FAM161A: variants seen among roughly 807,000 people sequenced by gnomAD.
FAM161A encodes FAM161 centrosomal protein A.
Under a neutral mutation model 70.9 loss-of-function variants are expected in FAM161A, and 57 were observed. That is an observed-to-expected ratio of 0.80 (90% CI 0.65 to 1.00). FAM161A has a LOEUF of 1.00. Among genes scored for constraint, FAM161A ranks in the 50% least tolerant of loss-of-function variants. FAM161A has a pLI of 0.00. For missense variants in FAM161A, 880 were observed against 836.0 expected (o/e 1.05, Z -0.65); for synonymous variants, 299 against 295.7 (o/e 1.01, Z -0.12).
intron 6 of FAM161A, 114 bp from the exon 7 acceptor site, chr2:61,826,713 C>T: frequency 1.2e-6 from 1 of 861,458 alleles, no homozygotes; most frequent in Non-Finnish European, 1.8e-6. Flanking sequence ...GTATGAATTC[C>T]AATTTGTTAC....
chr2:61,823,042 A>G (rs1672238358), downstream of FAM161A, among the ~76,000 whole-genome samples: 1 of 151,776 alleles, frequency 6.6e-6, no homozygotes, highest in East Asian at 2.0e-4. Flanking sequence ...GACTAACTCA[A>G]CAGAGTAAAA....
chr2:61,803,601 G>A, the FAM161A span, among the ~76,000 whole-genome samples: 3 of 152,208 alleles, frequency 2.0e-5, no homozygotes, highest in Admixed American at 6.5e-5. Context: ...GGATCACAAG[G>A]TCAGGAGTTC....
intron 1 of FAM161A, among the ~76,000 whole-genome samples, chr2:61,849,863 A>T (rs1379737318): frequency 2.4e-4 from 2 of 8,468 alleles, no homozygotes; most frequent in Non-Finnish European, 4.1e-4. Flanking sequence ...TCTTAAACAA[A>T]TTAACAGAAA....
intron 1 of FAM161A, among the ~76,000 whole-genome samples, chr2:61,851,622 T>C (rs1673499541): frequency 6.6e-6 from 1 of 152,082 alleles, no homozygotes; most frequent in South Asian, 2.1e-4. Flanking sequence ...GAGATTTTAA[T>C]TGCGAATTAC....
chr2:61,853,258 C>T (rs1389501009), intron 1 of FAM161A, among the ~76,000 whole-genome samples: 1 of 152,146 alleles, frequency 6.6e-6, no homozygotes, highest in Non-Finnish European at 1.5e-5. Flanking sequence ...ACCCTGCCCT[C>T]TACCTGCTGG....
At chr2:61,822,569 G>A (rs1197451530), downstream of FAM161A, among the ~76,000 whole-genome samples, 5 of 152,084 alleles carry the variant, frequency 3.3e-5, no homozygotes, top group Admixed American at 6.6e-5. Context: ...GAAGCAATGA[G>A]GTAATTTTTA....
In FAM161A at chr2:61,829,293, C is replaced by T. The variant is rs546813409; in HGVS notation, c.1852-2035G>A. Reference sequence around the variant, plus strand: ...GTGACCTAAAGCCTGACTTGAGCAACGTAGTTGTCAGATATTTGCCAAATC... The same window carrying T: ...GTGACCTAAAGCCTGACTTGAGCAATGTAGTTGTCAGATATTTGCCAAATC... On this transcript the variant is annotated intron_variant, in intron 5 of 6. Transcript: ENST00000404929. Among the ~76,000 whole-genome samples the T allele has an allele frequency of 5.9e-5, 9 of 152,102 alleles. No individual in the cohort carries two copies. In the South Asian group the frequency reaches 1.0e-3, roughly 18 times the overall value.
intron 1 of FAM161A, among the ~76,000 whole-genome samples, chr2:61,853,217 C>T (rs1673558366): frequency 6.6e-6 from 1 of 152,080 alleles, no homozygotes; most frequent in Non-Finnish European, 1.5e-5. Flanking sequence ...GCCAAGATTC[C>T]CATCTTTTAA....
the FAM161A span, among the ~76,000 whole-genome samples, chr2:61,804,816 AAG>A: frequency 1.7e-4 from 25 of 144,320 alleles, no homozygotes; most frequent in South Asian, 4.5e-4. Flanking sequence ...GAAAGAAAGA[AAG>A]AGAAAGAGAA....
chr2:61,843,254 A>G (rs1673086762), intron 1 of FAM161A, among the ~76,000 whole-genome samples: 1 of 152,078 alleles, frequency 6.6e-6, no homozygotes, highest in South Asian at 2.1e-4. Flanking sequence ...CAGACTCCCA[A>G]GTAGCTGGGA....
Position 61,844,878 on chromosome 2 carries a change from AAG to A in FAM161A, c.184-2520_184-2519del, listed in dbSNP as rs572740842. Among the ~76,000 whole-genome samples, 153 of 152,356 alleles carry A rather than the reference AAG, an allele frequency of 1.0e-3. 1 individual carries two copies. Among genetic ancestry groups the A allele is most frequent in the Middle Eastern group, 6.8e-3 (2 of 294 alleles). On this transcript the variant is annotated intron_variant, in intron 1 of 6. Coordinates refer to ENST00000404929, the MANE Select transcript of FAM161A (RefSeq NM_001201543.2). ...GATGTATGTCACAATGTCAGACACT[AAG>A]AGACAGAGGCACAATTCACAGAGGT...
chr2:61,848,861 TTTA>T lies in FAM161A; in HGVS notation c.183+4995_183+4997del. Among the ~76,000 whole-genome samples the T allele has an allele frequency of 3.8e-4, 3 of 7,986 alleles. 1 individual carries two copies. Among genetic ancestry groups the T allele is most frequent in the African/African-American group, 9.5e-4 (2 of 2,102 alleles). 5.2% of individuals were successfully genotyped at this position (7,986 alleles called of 152,430 possible). On this transcript the variant is annotated intron_variant, in intron 1 of 6. Coordinates refer to ENST00000404929, the MANE Select transcript of FAM161A (RefSeq NM_001201543.2). ...ATTTATATATATATTTATATATATA[TTTA>T]TATATATATTTATATATATATTTAT...
the FAM161A span, among the ~76,000 whole-genome samples, chr2:61,815,726 T>A: frequency 6.6e-6 from 1 of 151,756 alleles, no homozygotes; most frequent in African/African-American, 2.4e-5. Flanking sequence ...AGTTTTTGTA[T>A]TTTTAGTAGA....
chr2:61,839,402 CT>C lies in FAM161A; in HGVS notation c.1583+18del. 6.2e-7 allele frequency: 1 copy of C among 1,613,686 alleles called. No homozygotes were observed. Among genetic ancestry groups the C allele is most frequent in the Non-Finnish European group, 8.5e-7 (1 of 1,179,656 alleles). ...TCTGGCAACCATGAGTCAGTCAGTA[CT>C]GCGTCCTACTTACTTACCTTACGGC... is the stretch of plus-strand genomic sequence containing the variant. On this transcript the variant is annotated intron_variant, in intron 3 of 6. Coordinates refer to ENST00000404929, the MANE Select transcript of FAM161A (RefSeq NM_001201543.2).
chr2:61,822,541 G>A (rs1672223910), downstream of FAM161A, among the ~76,000 whole-genome samples: 1 of 152,094 alleles, frequency 6.6e-6, no homozygotes, highest in East Asian at 1.9e-4. Flanking sequence ...TAGTTGAGAA[G>A]GGCATACATT....
At chr2:61,846,928 C>G (rs752594973) in intron 1 of FAM161A, 1 of 455,110 alleles carries the variant, frequency 2.2e-6, no homozygotes, top group South Asian at 1.6e-5. Context: ...TGCCTGTAAT[C>G]CCAGCACTTT....
At chr2:61,810,022 A>G in the FAM161A span, among the ~76,000 whole-genome samples, 1 of 152,192 alleles carries the variant, frequency 6.6e-6, no homozygotes, top group African/African-American at 2.4e-5. Context: ...CCACCATATT[A>G]TTGTAGCCAC....
chr2:61,842,495 A>G (rs975512922), intron 1 of FAM161A, 135 bp from the exon 2 acceptor site: 1 of 620,368 alleles, frequency 1.6e-6, no homozygotes, highest in Non-Finnish European at 2.9e-6. Flanking sequence ...TGCATATAGA[A>G]TGAGTTATAG....
At chr2:61,853,512 C>G (rs995068720) in intron 1 of FAM161A, among the ~76,000 whole-genome samples, 2 of 152,160 alleles carry the variant, frequency 1.3e-5, no homozygotes, top group Admixed American at 1.3e-4. Context: ...CAGTTTTCCT[C>G]AAATTACTAT....
Sources: allele counts gnomAD v4.1 joint callset (sites outside exome capture counted in the v4.1 genomes callset), GRCh38; gene constraint gnomAD v4.1.1; transcripts MANE v1.5; gene names NCBI Gene and HGNC (gene_info 2026-07-23, HGNC 2026-07-21).